ANKFY1: variants seen among roughly 807,000 people sequenced by gnomAD.
The protein encoded by ANKFY1 is ankyrin repeat and FYVE domain containing 1, also known as ankyrin repeat and FYVE domain-containing protein 1.
A neutral mutation model predicts 128.3 loss-of-function variants in ANKFY1; 47 were observed. That is an observed-to-expected ratio of 0.37 (90% CI 0.29 to 0.47). The LOEUF (loss-of-function observed/expected upper bound fraction) is 0.47, where lower values mean the gene tolerates loss of function less well. Among genes scored for constraint, ANKFY1 ranks in the 20% least tolerant of loss-of-function variants. ANKFY1 has a pLI of 1.00. For missense variants in ANKFY1, 1,222 were observed against 1,510.6 expected, an observed-to-expected ratio of 0.81 and a Z score of 3.17; for synonymous variants, 553 against 601.6, an observed-to-expected ratio of 0.92 and a Z score of 1.18.
At chr17:4,187,498 C>T in intron 11 of ANKFY1, 1 of 378,684 alleles carries the variant, frequency 2.6e-6, no homozygotes, top group Non-Finnish European at 4.7e-6. Context: ...ATAAAGCCCA[C>T]ACAGCGGAAG....
Position 4,181,351 on chromosome 17 carries a change from T to G in ANKFY1, c.2143A>C (p.Thr715Pro). 6.2e-7 allele frequency: 1 copy of G among 1,614,136 alleles called. No individual in the cohort carries two copies. The highest frequency in any genetic ancestry group is 8.5e-7 in the Non-Finnish European group (1 of 1,179,956). ...CCACCAGGTCCCGGACCCCAGCATG[T>G]GGCATCACAGCCATGTCTGACCTGC... ...STLVRHGCDA[T>P]CWGPGPGGCL... Residue 715 changes from threonine to proline, a missense_variant, in exon 16 of 25, where the codon ACA becomes CCA. Coordinates refer to ENST00000341657, the MANE Select transcript of ANKFY1 (RefSeq NM_001330063.2). This position sits in a 1 kb window ranked among gnomAD's most constrained non-coding sequence, Gnocchi z 4.9.
At chr17:4,180,622 CCGGGCGTGGAGG>C (rs2059494012) in intron 16 of ANKFY1, among the ~76,000 whole-genome samples, 1 of 151,310 alleles carries the variant, frequency 6.6e-6, no homozygotes, top group Admixed American at 6.6e-5. Flanking sequence ...AAAAAATTAG[CCGGGCGTGGAGG>C]CGGGCGCCTG....
chr17:4,207,844 T>C (rs1402481762), intron 6 of ANKFY1, 89 bp downstream of exon 6: 21 of 1,342,220 alleles, frequency 1.6e-5, no homozygotes, highest in Admixed American at 5.3e-5. Context: ...GTGCCAGTCA[T>C]GGCTCGGAAG....
intron 24 of ANKFY1, 112 bp from the exon 25 acceptor site, chr17:4,168,023 C>T: frequency 8.2e-7 from 1 of 1,225,638 alleles, no homozygotes; most frequent in South Asian, 1.7e-5. Context: ...CGCAATGCTA[C>T]TCTGGCAACT....
At chr17:4,206,294 C>A (rs2060022393) in intron 7 of ANKFY1, 27 bp downstream of exon 7, 3 of 1,591,972 alleles carry the variant, frequency 1.9e-6, no homozygotes, top group South Asian at 1.1e-5. Flanking sequence ...AAATTGCCTG[C>A]AGGGAAACAT....
chr17:4,250,206 A>G (rs1420690984), intron 1 of ANKFY1, among the ~76,000 whole-genome samples: 1 of 152,136 alleles, frequency 6.6e-6, no homozygotes, highest in Non-Finnish European at 1.5e-5. Flanking sequence ...CCCATACTTT[A>G]CTGTCACTGC....
In ANKFY1 at chr17:4,190,071, T is replaced by C. The variant is rs548604899; in HGVS notation, c.1373-592A>G. On this transcript the variant is annotated intron_variant, in intron 10 of 24. Transcript: ENST00000341657. ...CTACGGACATTTTGGACAGGATAAATTCTTTGTTGTGGGGTCTGTTCTGCA... is the reference window on the plus strand; with the variant it reads ...CTACGGACATTTTGGACAGGATAAACTCTTTGTTGTGGGGTCTGTTCTGCA... Among the ~76,000 whole-genome samples the C allele has an allele frequency of 2.0e-5, 3 of 151,674 alleles. No homozygotes were observed. The South Asian group carries it at 6.3e-4, about 32-fold the overall frequency.
At position 4,179,895 on chromosome 17, in the gene ANKFY1, A is replaced by G. The variant is rs771759647; in HGVS notation, c.2241-18T>C. On this transcript the variant is annotated intron_variant, in intron 16 of 24. Transcript: ENST00000341657. ...CACAGCCACTGAAAGGAATGGGGAC[A>G]TTTTAAAAAACGCCACGCTTGGACC... The G allele has an allele frequency of 9.9e-6, 16 of 1,613,586 alleles. No individual in the cohort carries two copies. In the South Asian group the frequency reaches 1.8e-4, roughly 18 times the overall value.
chr17:4,172,292 G>A (rs2059335637), intron 22 of ANKFY1, among the ~76,000 whole-genome samples: 1 of 152,172 alleles, frequency 6.6e-6, no homozygotes, highest in Non-Finnish European at 1.5e-5. Context: ...AAAGGCAAAT[G>A]AGGGAAATAA....
chr17:4,237,659 T>C (rs1475102604), intron 2 of ANKFY1, among the ~76,000 whole-genome samples: 1 of 152,188 alleles, frequency 6.6e-6, no homozygotes, highest in Non-Finnish European at 1.5e-5. Context: ...CAAAATTCTA[T>C]CTTTTGTAAT....
chr17:4,223,116 T>C (rs2060356124), intron 3 of ANKFY1: 2 of 745,684 alleles, frequency 2.7e-6, no homozygotes, highest in Admixed American at 2.0e-5. Flanking sequence ...AAAACAAGCA[T>C]TGGTCGAAAC....
intron 17 of ANKFY1, 101 bp from the exon 18 acceptor site, chr17:4,179,158 C>T (rs1233538492): frequency 8.8e-6 from 11 of 1,248,458 alleles, no homozygotes; most frequent in Middle Eastern, 2.0e-4. Context: ...TTATGAGAAT[C>T]GATCAATACT....
At chr17:4,212,427 G>C (rs1239138638) in intron 4 of ANKFY1, among the ~76,000 whole-genome samples, 1 of 152,150 alleles carries the variant, frequency 6.6e-6, no homozygotes, top group Admixed American at 6.6e-5. Flanking sequence ...GATATTTGAG[G>C]AATACTTGTG....
intron 10 of ANKFY1, among the ~76,000 whole-genome samples, chr17:4,192,880 A>C (rs2059743472): frequency 6.6e-6 from 1 of 152,176 alleles, no homozygotes; most frequent in Non-Finnish European, 1.5e-5. Context: ...AAAAAAATAA[A>C]AATTAAAAAT....
rs139994258 is a variant in ANKFY1, at chr17:4,178,896, G to C, written c.2559C>G (p.Ala853=). Residue 853 remains alanine, a synonymous_variant, in exon 18 of 25, where the codon GCC becomes GCG. Coordinates refer to ENST00000341657, the MANE Select transcript of ANKFY1 (RefSeq NM_001330063.2). This position sits in a 1 kb window ranked among gnomAD's most constrained non-coding sequence, Gnocchi z 4.1. The part of the protein sequence containing the change: ...CAMTFKNNKS[A]EAILKRESGA... ...CGGACTCTCGTTTGAGAATGGCCTC[G>C]GCTGACTTGTTGTTCTTGAAAGTCA... is the stretch of plus-strand genomic sequence containing the variant. 1 of 1,614,132 alleles carries C rather than the reference G, an allele frequency of 6.2e-7. No homozygotes were observed. The highest frequency in any genetic ancestry group is 1.1e-5 in the South Asian group (1 of 91,078).
In ANKFY1 at chr17:4,185,027, G is replaced by A; in HGVS notation, c.1490C>T (p.Thr497Ile). 3 of 1,613,274 alleles carry A rather than the reference G, an allele frequency of 1.9e-6. No homozygotes were observed. The highest frequency in any genetic ancestry group is 2.2e-5 in the South Asian group (2 of 91,078). The change falls in exon 12 of 25, where the codon ACA becomes ATA. Residue 497 changes from threonine to isoleucine, a missense_variant. Coordinates refer to ENST00000341657, the MANE Select transcript of ANKFY1 (RefSeq NM_001330063.2). ...RNKWGETPLH[T>I]ACRHGLANLT... ...GTTGGCCAGGCCATGCCGACACGCT[G>A]TGTGCAACGGGGTTTCTCCCTGAAT...
chr17:4,183,891 G>T lies in ANKFY1; in HGVS notation c.1719C>A (p.Thr573=). 6.2e-7 allele frequency: 1 copy of T among 1,613,480 alleles called. No homozygotes were observed. Residue 573 remains threonine (T), a synonymous_variant, in exon 13 of 25, where the codon ACC becomes ACA. Transcript: ENST00000341657. The part of the protein sequence containing the change: ...LEQKANALHA[T]NNLQIIPDFS... ...AGTCCGGAATGATCTGCAAGTTGTT[G>T]GTGGCATGAAGAGCATTGGCTAAAT... is the stretch of plus-strand genomic sequence containing the variant.
chr17:4,184,970 T>A lies in ANKFY1; in HGVS notation c.1547A>T (p.Asn516Ile), dbSNP rs757199349. The change falls in exon 12 of 25, where the codon AAC (asparagine) becomes ATC (isoleucine). Residue 516 changes from asparagine (N) to isoleucine (I), a missense_variant. By Grantham distance (149) the Asn-to-Ile change is moderately radical. Coordinates refer to ENST00000341657, the MANE Select transcript of ANKFY1 (RefSeq NM_001330063.2). ...AGCTTCCTCCGTCTGCAGGTTTGGG[T>A]TGGCGCCTTGCTGCAGGAGCTCTGC... ...LTAELLQQGA[N>I]PNLQTEEALP... is the part of the protein sequence containing the mutation. 1.2e-6 allele frequency: 2 copies of A among 1,614,044 alleles called. No individual in the cohort carries two copies. Among genetic ancestry groups the A allele is most frequent in the Admixed American group, 1.7e-5 (1 of 60,030 alleles).
chr17:4,184,009 A>AT, intron 12 of ANKFY1, 99 bp from the exon 13 acceptor site: 1 of 932,922 alleles, frequency 1.1e-6, no homozygotes, highest in Non-Finnish European at 1.7e-6. Flanking sequence ...TGTTGGGTAT[A>AT]ATATGATCAA....
Sources: allele counts gnomAD v4.1 joint callset (sites outside exome capture counted in the v4.1 genomes callset), GRCh38; gene constraint gnomAD v4.1.1; non-coding constraint Gnocchi (gnomAD v3.1); transcripts MANE v1.5; gene names NCBI Gene and HGNC (gene_info 2026-07-23, HGNC 2026-07-21).